Variants in SEMA6D observed in about 807,000 individuals in gnomAD.
The protein encoded by SEMA6D is semaphorin-6D.
In SEMA6D, 35 loss-of-function variants were observed where a neutral mutation model predicts 106.6. That is an observed-to-expected ratio of 0.33 (90% confidence interval 0.25 to 0.44). SEMA6D has a LOEUF of 0.44. SEMA6D is among the 20% of genes least tolerant of loss of function. The pLI, the probability that SEMA6D is intolerant of heterozygous loss-of-function variation, is 1.00. For synonymous variants in SEMA6D, 499 were observed against 487.7 expected, an observed-to-expected ratio of 1.02 and a Z score of -0.31; for missense variants, 1,185 against 1,345.9, an observed-to-expected ratio of 0.88 and a Z score of 1.87.
intron 2 of SEMA6D, among the ~76,000 whole-genome samples, chr15:47,470,228 T>C (rs2042793386): frequency 6.6e-6 from 1 of 152,192 alleles, no homozygotes; most frequent in Non-Finnish European, 1.5e-5. Context: ...CCTAATGGTC[T>C]TGCTTACCTA....
At chr15:47,342,625 G>T (rs1038727775) in intron 1 of SEMA6D, among the ~76,000 whole-genome samples, 2 of 152,130 alleles carry the variant, frequency 1.3e-5, no homozygotes, top group African/African-American at 4.8e-5. Flanking sequence ...ATTATTATGA[G>T]CAACAGTTAT....
At chr15:47,247,352 A>C (rs1447770273) in intron 1 of SEMA6D, among the ~76,000 whole-genome samples, 1 of 152,182 alleles carries the variant, frequency 6.6e-6, no homozygotes, top group East Asian at 1.9e-4. Flanking sequence ...ACATTCTGAC[A>C]ATCTAGAAAA....
intron 1 of SEMA6D, among the ~76,000 whole-genome samples, chr15:47,371,108 T>C (rs542053477): frequency 9.8e-5 from 15 of 152,290 alleles, no homozygotes; most frequent in Non-Finnish European, 1.6e-4. Context: ...CCCAAATCAA[T>C]ATGGACTCTC....
chr15:47,603,227 C>T (rs999129), intron 4 of SEMA6D: 31,031 of 151,966 alleles, frequency 0.2, 3,954 homozygotes, highest in African/African-American at 0.34. Flanking sequence ...CGTGACTCAC[C>T]ACTCAGCATC....
At chr15:47,231,464 A>G (rs1333932392) in intron 1 of SEMA6D, among the ~76,000 whole-genome samples, 1 of 151,898 alleles carries the variant, frequency 6.6e-6, no homozygotes, top group African/African-American at 2.4e-5. Context: ...GCCCCATTTG[A>G]TGTATGCATT....
At chr15:47,751,803 G>A (rs2081452313) in intron 1 of SEMA6D, among the ~76,000 whole-genome samples, 3 of 152,132 alleles carry the variant, frequency 2.0e-5, no homozygotes, top group Admixed American at 6.5e-5. Flanking sequence ...TTGATTTACA[G>A]TTGTCTTAGG....
chr15:47,633,090 C>A (rs1051012700), intron 4 of SEMA6D, among the ~76,000 whole-genome samples: 3 of 152,060 alleles, frequency 2.0e-5, no homozygotes, highest in Admixed American at 6.6e-5. Context: ...ATATTCTCTA[C>A]ACATATGGAG....
At chr15:47,427,400 A>C (rs2041376419) in intron 2 of SEMA6D, among the ~76,000 whole-genome samples, 1 of 152,206 alleles carries the variant, frequency 6.6e-6, no homozygotes, top group African/African-American at 2.4e-5. Flanking sequence ...AGCAGGTTAA[A>C]TGCGCTGAGA....
intron 4 of SEMA6D, among the ~76,000 whole-genome samples, chr15:47,671,031 A>T (rs1364366982): frequency 6.6e-6 from 1 of 152,182 alleles, no homozygotes; most frequent in East Asian, 1.9e-4. Context: ...TTTTTATTCC[A>T]TTTTCAAAGA....
At chr15:47,695,499 CACACACACACGCATAG>C (rs1282901858) in intron 4 of SEMA6D, among the ~76,000 whole-genome samples, 1 of 151,798 alleles carries the variant, frequency 6.6e-6, no homozygotes, top group Non-Finnish European at 1.5e-5. Context: ...GGAAATGTTA[CACACACACACGCATAG>C]ACACACACAC....
chr15:47,452,890 G>A (rs1342541763), intron 2 of SEMA6D, among the ~76,000 whole-genome samples: 3 of 151,872 alleles, frequency 2.0e-5, no homozygotes, highest in East Asian at 3.9e-4. Context: ...TTGAATAACA[G>A]CATGAACATT....
rs536134079 is a variant in SEMA6D at position 47,542,992 on chromosome 15, T to C, written c.-86-57873T>C. ...GGTGCCCTGCTGAATGTTCCCACAATGTCCTGCACATTTACTGTTGATAGG... is the reference window on the plus strand; with the variant it reads ...GGTGCCCTGCTGAATGTTCCCACAACGTCCTGCACATTTACTGTTGATAGG... On this transcript the variant is annotated intron_variant, in intron 3 of 19. Coordinates refer to the SEMA6D transcript ENST00000558014. Among the ~76,000 whole-genome samples the C allele has an allele frequency of 2.6e-5, 4 of 152,296 alleles. 1 individual carries two copies. The East Asian group carries it at 5.8e-4, about 22-fold the overall frequency.
intron 4 of SEMA6D, among the ~76,000 whole-genome samples, chr15:47,705,436 G>A (rs1289611208): frequency 1.3e-5 from 2 of 152,170 alleles, no homozygotes; most frequent in African/African-American, 4.8e-5. Context: ...AGAGGAAACT[G>A]AAAGTTGGAA....
chr15:47,243,856 A>T (rs981308469), intron 1 of SEMA6D, among the ~76,000 whole-genome samples: 7 of 152,114 alleles, frequency 4.6e-5, no homozygotes, highest in Non-Finnish European at 1.5e-5. Context: ...TTTTCATGAA[A>T]ATGATTGTTG....
intron 1 of SEMA6D, among the ~76,000 whole-genome samples, chr15:47,387,183 G>A (rs1315816868): frequency 2.0e-5 from 3 of 152,196 alleles, no homozygotes; most frequent in African/African-American, 4.8e-5. Flanking sequence ...GCAGTGGGCA[G>A]TAAATTCCAA....
chr15:47,309,480 G>A (rs140705287), intron 1 of SEMA6D, among the ~76,000 whole-genome samples: 5 of 152,236 alleles, frequency 3.3e-5, no homozygotes, highest in African/African-American at 1.2e-4. Context: ...ATGCACAAGA[G>A]TAGTGATACT....
At chr15:47,448,735 T>C (rs16959519) in intron 2 of SEMA6D, among the ~76,000 whole-genome samples, 30,804 of 151,894 alleles carry the variant, frequency 0.2, 3,758 homozygotes, top group African/African-American at 0.32. Flanking sequence ...AGCATCCTCA[T>C]TGAGAAAGGG....
intron 1 of SEMA6D, among the ~76,000 whole-genome samples, chr15:47,345,194 C>T (rs919662835): frequency 2.7e-5 from 4 of 150,080 alleles, no homozygotes; most frequent in East Asian, 3.9e-4. Flanking sequence ...TTTCAGTAGA[C>T]TTTTTTGTAG....
intron 3 of SEMA6D, among the ~76,000 whole-genome samples, chr15:47,570,039 G>A (rs34248173): frequency 0.44 from 66,121 of 150,942 alleles, 15,585 homozygotes; most frequent in Non-Finnish European, 0.53. Context: ...CCCAGCCCGG[G>A]CAACAGAGGG....
Sources: allele counts gnomAD v4.1 joint callset (sites outside exome capture counted in the v4.1 genomes callset), GRCh38; gene constraint gnomAD v4.1.1; transcripts MANE v1.5; gene names NCBI Gene and HGNC (gene_info 2026-07-23, HGNC 2026-07-21).